TRPM3: variants seen among roughly 807,000 people sequenced by gnomAD.
TRPM3 encodes the protein transient receptor potential cation channel subfamily M member 3.
TRPM3 carries 77 observed loss-of-function variants against 181.2 expected under a neutral mutation model. The observed-to-expected ratio is 0.42, with a 90% CI of 0.35 to 0.51. The LOEUF (loss-of-function observed/expected upper bound fraction) is 0.51, where lower values mean the gene tolerates loss of function less well. TRPM3 is among the 20% of genes least tolerant of loss of function. TRPM3 has a pLI of 0.01. For synonymous variants in TRPM3, 745 were observed against 796.4 expected (o/e 0.94, Z 1.09); for missense variants, 1,759 against 2,196.7 (o/e 0.80, Z 3.98).
chr9:70,977,349 TG>T (rs1317239964), intron 1 of TRPM3, among the ~76,000 whole-genome samples: 1 of 152,196 alleles, frequency 6.6e-6, no homozygotes, highest in Non-Finnish European at 1.5e-5. Flanking sequence ...TTAGCCAGGA[TG>T]GGCTCCATCT....
At chr9:70,612,125 A>C (rs918352629) in intron 18 of TRPM3, among the ~76,000 whole-genome samples, 5 of 152,234 alleles carry the variant, frequency 3.3e-5, no homozygotes, top group African/African-American at 1.2e-4. Flanking sequence ...TAGGCTTTAA[A>C]GTGAACTGAG....
intron 1 of TRPM3, among the ~76,000 whole-genome samples, chr9:70,924,793 T>C (rs1411693821): frequency 6.6e-6 from 1 of 152,178 alleles, no homozygotes; most frequent in Admixed American, 6.5e-5. Flanking sequence ...AACCATTCTC[T>C]AGCTGACTAA....
intron 1 of TRPM3, among the ~76,000 whole-genome samples, chr9:71,308,745 G>A: frequency 6.6e-6 from 1 of 152,184 alleles, no homozygotes; most frequent in East Asian, 1.9e-4. Flanking sequence ...ACCAAAGTAA[G>A]CTTGCAATGA....
intron 22 of TRPM3, among the ~76,000 whole-genome samples, chr9:70,559,992 C>A (rs1269437556): frequency 6.6e-6 from 1 of 152,124 alleles, no homozygotes; most frequent in Admixed American, 6.5e-5. Flanking sequence ...CCCAGAAAAT[C>A]CTGGTCCTAG....
intron 1 of TRPM3, among the ~76,000 whole-genome samples, chr9:70,951,283 A>C (rs2096995884): frequency 6.6e-6 from 1 of 152,188 alleles, no homozygotes; most frequent in Non-Finnish European, 1.5e-5. Context: ...ATTCTAGTAC[A>C]TTGCTAGCTC....
chr9:71,187,936 T>C (rs1404251871), intron 1 of TRPM3, among the ~76,000 whole-genome samples: 18 of 88,374 alleles, frequency 2.0e-4, no homozygotes, highest in African/African-American at 6.2e-4. Flanking sequence ...GATAGATAGA[T>C]AGATAGATAG....
At chr9:71,186,847 AG>A (rs2077710105) in intron 1 of TRPM3, among the ~76,000 whole-genome samples, 1 of 152,028 alleles carries the variant, frequency 6.6e-6, no homozygotes, top group Admixed American at 6.6e-5. Flanking sequence ...GCTAGCAAAA[AG>A]TCTCTCGTTA....
At chr9:71,394,165 C>T (rs533761140) in intron 1 of TRPM3, among the ~76,000 whole-genome samples, 106 of 152,212 alleles carry the variant, frequency 7.0e-4, no homozygotes, top group Non-Finnish European at 1.1e-3. Flanking sequence ...TTTTACAGAA[C>T]TGATAAATGA....
intron 6 of TRPM3, chr9:70,811,297 T>C (rs2091987507): frequency 6.8e-7 from 1 of 1,463,058 alleles, no homozygotes; most frequent in South Asian, 1.2e-5. Flanking sequence ...TGCATACACA[T>C]TTTATTAAAG....
intron 6 of TRPM3, among the ~76,000 whole-genome samples, chr9:70,801,076 A>G (rs1203365702): frequency 1.3e-5 from 2 of 152,210 alleles, no homozygotes; most frequent in East Asian, 3.8e-4. Context: ...TACAATTAGG[A>G]CATACTTGCA....
intron 1 of TRPM3, among the ~76,000 whole-genome samples, chr9:71,146,182 C>T (rs2075396353): frequency 2.0e-5 from 3 of 152,150 alleles, no homozygotes; most frequent in South Asian, 2.1e-4. Flanking sequence ...GACGTTCCTT[C>T]GTTTTTAATG....
chr9:70,533,644 G>A lies in TRPM3; in HGVS notation c.*2309C>T, dbSNP rs1269674628. Reference sequence around the variant, plus strand: ...TAGAGTTATCGTAGAGCCTCGTAGGGATTCATGACTCAAGGAAGTTTAAGA... The same window carrying A: ...TAGAGTTATCGTAGAGCCTCGTAGGAATTCATGACTCAAGGAAGTTTAAGA... On this transcript the variant is annotated 3_prime_UTR_variant, in exon 26 of 26. Coordinates refer to ENST00000677713, the MANE Select transcript of TRPM3 (RefSeq NM_001366145.2). 1 of 152,018 alleles carries A rather than the reference G, an allele frequency of 6.6e-6. No individual in the cohort carries two copies. The highest frequency in any genetic ancestry group is 6.6e-5 in the Admixed American group (1 of 15,256). The allele number at this position is 152,018 out of a possible 1,614,324, so 9.4% of individuals were successfully genotyped here. A position where few individuals can be genotyped will look rare whatever the true frequency, so the allele number is the denominator to read the frequency against.
intron 1 of TRPM3, among the ~76,000 whole-genome samples, chr9:71,281,856 G>A (rs574610047): frequency 6.0e-4 from 92 of 152,254 alleles, no homozygotes; most frequent in African/African-American, 2.2e-3. Context: ...GAGATTGGAA[G>A]TTCGAGACCA....
In TRPM3 at chr9:71,140,553, T is replaced by C. The variant is rs370522108; in HGVS notation, c.184-276042A>G. On this transcript the variant is annotated intron_variant, in intron 1 of 24. Coordinates refer to the TRPM3 transcript ENST00000357533. ...GGTCATTTATCCTATCCTAGAATAA[T>C]GTTTGAAAATATTTTTACGTTACAG... Among the ~76,000 whole-genome samples the C allele has an allele frequency of 2.0e-5, 3 of 152,312 alleles. No homozygotes were observed. In the South Asian group the frequency reaches 6.2e-4, roughly 32 times the overall value.
At position 71,312,119 on chromosome 9, in the gene TRPM3, G is replaced by C. The variant is rs548321361; in HGVS notation, c.183+134534C>G. Among the ~76,000 whole-genome samples, 9 of 152,202 alleles carry C rather than the reference G, an allele frequency of 5.9e-5. No homozygotes were observed. In the South Asian group the frequency reaches 8.3e-4, roughly 14 times the overall value. On this transcript the variant is annotated intron_variant, in intron 1 of 24. Transcript: ENST00000357533. ...TTCTCTGTGAAAGACATAGTCAAGA[G>C]AATGAGAAGACAAGACACAGATTTG...
intron 6 of TRPM3, among the ~76,000 whole-genome samples, chr9:70,789,731 GC>G (rs1299591751): frequency 6.6e-6 from 1 of 152,234 alleles, no homozygotes; most frequent in African/African-American, 2.4e-5. Flanking sequence ...GAAAATGTGA[GC>G]TTGAGTAACA....
At position 71,388,927 on chromosome 9, in the gene TRPM3, T is replaced by C. The variant is rs1056256304; in HGVS notation, c.183+57726A>G. Among the ~76,000 whole-genome samples, 13 of 152,100 alleles carry C rather than the reference T, an allele frequency of 8.5e-5. No individual in the cohort carries two copies. In the East Asian group the frequency reaches 2.1e-3, roughly 25 times the overall value. ...GTTTGGCCACTTGCAAAGTATCAGA[T>C]CCTGCCGTAAAAATTATAGCAAAAC... On this transcript the variant is annotated intron_variant, in intron 1 of 24. Transcript: ENST00000357533.
Position 71,136,683 on chromosome 9 carries a change from C to T in TRPM3, c.184-272172G>A, listed in dbSNP as rs559548043. On this transcript the variant is annotated intron_variant, in intron 1 of 24. Coordinates refer to the TRPM3 transcript ENST00000357533. ...TCCAGACAGAGAGATGCAAAGAATGCGAAGAGGGCACAGGAACAGTAGCCT... is the reference window on the plus strand; with the variant it reads ...TCCAGACAGAGAGATGCAAAGAATGTGAAGAGGGCACAGGAACAGTAGCCT... Among the ~76,000 whole-genome samples the T allele has an allele frequency of 1.0e-3, 158 of 152,152 alleles. 1 individual carries two copies. The highest frequency in any genetic ancestry group is 2.6e-3 in the African/African-American group (106 of 41,516).
intron 1 of TRPM3, among the ~76,000 whole-genome samples, chr9:71,175,640 G>C (rs1051771294): frequency 6.6e-6 from 1 of 152,158 alleles, no homozygotes; most frequent in East Asian, 1.9e-4. Flanking sequence ...CAGGCTACTG[G>C]TGAGTGGCTG....
Sources: gnomAD v4.1 joint callset for allele counts (sites outside exome capture counted in the v4.1 genomes callset) on GRCh38, gnomAD v4.1.1 for gene constraint, MANE v1.5 for transcripts, NCBI Gene and HGNC (gene_info 2026-07-23, HGNC 2026-07-21) for gene names.